The following PCDH9 variants were observed in gnomAD, a reference collection of about 807,000 sequenced individuals.
PCDH9 encodes the protein protocadherin-9.
In PCDH9, 24 loss-of-function variants were observed where a neutral mutation model predicts 70.6. The observed-to-expected ratio is 0.34, with a 90% confidence interval of 0.25 to 0.48. The LOEUF (loss-of-function observed/expected upper bound fraction) is 0.48, where lower values mean the gene tolerates loss of function less well. PCDH9 is among the 20% of genes least tolerant of loss of function. PCDH9 has a pLI of 0.99. For synonymous variants in PCDH9, 562 were observed against 558.5 expected, an observed-to-expected ratio of 1.01 and a Z score of -0.09; for missense variants, 1,281 against 1,503.6, an observed-to-expected ratio of 0.85 and a Z score of 2.45.
chr13:66,339,960 G>T (rs1956098875), intron 4 of PCDH9, among the ~76,000 whole-genome samples: 1 of 151,938 alleles, frequency 6.6e-6, no homozygotes, highest in South Asian at 2.1e-4. Flanking sequence ...AAAATCTATT[G>T]TTCCTCAGGC....
chr13:66,999,945 C>G lies in PCDH9; in HGVS notation c.3037-96340G>C, dbSNP rs573270008. ...GTGGCGATTCCTCAGGGATCTAGAA[C>G]TAGAAATACCATTTGACCCAGCCAT... On this transcript the variant is annotated intron_variant, in intron 2 of 4. Coordinates refer to ENST00000377865, the MANE Select transcript of PCDH9 (RefSeq NM_203487.3). Among the ~76,000 whole-genome samples the G allele has an allele frequency of 7.2e-5, 11 of 152,204 alleles. No individual in the cohort carries two copies. The East Asian group carries it at 2.1e-3, about 29-fold the overall frequency.
intron 3 of PCDH9, among the ~76,000 whole-genome samples, chr13:66,715,520 G>A (rs779930322): frequency 8.6e-5 from 13 of 152,022 alleles, no homozygotes; most frequent in Middle Eastern, 3.2e-3. Context: ...TGCTTGAGCC[G>A]TATACAATTT....
chr13:66,771,751 T>A (rs1028555364), intron 3 of PCDH9, among the ~76,000 whole-genome samples: 48 of 152,334 alleles, frequency 3.2e-4, no homozygotes, highest in African/African-American at 1.1e-3. Context: ...AATTGATTTA[T>A]CTCCTCAATT....
At chr13:67,142,966 A>G (rs1277718416) in intron 2 of PCDH9, among the ~76,000 whole-genome samples, 6 of 152,102 alleles carry the variant, frequency 3.9e-5, no homozygotes, top group African/African-American at 9.6e-5. Flanking sequence ...CCGAGATTGC[A>G]CCACTGCACT....
At chr13:67,225,163 T>G in intron 2 of PCDH9, 1 of 1,376,346 alleles carries the variant, frequency 7.3e-7, no homozygotes, top group Non-Finnish European at 9.3e-7. Flanking sequence ...ATTTTCTCTT[T>G]TCATCTTTTG....
chr13:66,534,348 T>C (rs1473723709), intron 4 of PCDH9, among the ~76,000 whole-genome samples: 1 of 152,152 alleles, frequency 6.6e-6, no homozygotes, highest in Non-Finnish European at 1.5e-5. Context: ...AATTTATTTC[T>C]CACAGTTCTG....
chr13:66,918,555 T>A (rs1230317643), intron 2 of PCDH9, among the ~76,000 whole-genome samples: 7 of 151,264 alleles, frequency 4.6e-5, no homozygotes, highest in Non-Finnish European at 1.5e-5. Flanking sequence ...ATAAAATGAA[T>A]GTATCTTAAT....
chr13:66,994,970 C>T lies in PCDH9; in HGVS notation c.3037-91365G>A, dbSNP rs114259887. On this transcript the variant is annotated intron_variant, in intron 2 of 4. Coordinates refer to ENST00000377865, the MANE Select transcript of PCDH9 (RefSeq NM_203487.3). ...TTTTGTAATCCATTTACGGAACATG[C>T]CTGCAATGAAAAATTAATTATTAAA... Among the ~76,000 whole-genome samples the T allele has an allele frequency of 5.1e-3, 778 of 152,140 alleles. 4 individuals carry two copies. The highest frequency in any genetic ancestry group is 9.1e-3 in the Non-Finnish European group (619 of 68,010).
At chr13:66,615,043 C>T (rs1342134855) in intron 4 of PCDH9, among the ~76,000 whole-genome samples, 1 of 152,314 alleles carries the variant, frequency 6.6e-6, no homozygotes, top group African/African-American at 2.4e-5. Context: ...CAGACTATGA[C>T]CTAATGCTTG....
At chr13:67,135,729 G>A (rs1429565126) in intron 2 of PCDH9, among the ~76,000 whole-genome samples, 10 of 152,084 alleles carry the variant, frequency 6.6e-5, no homozygotes, top group Admixed American at 5.9e-4. Context: ...AAACAAAAAA[G>A]CACTTGCAGA....
At chr13:66,708,317 G>A (rs930124844) in intron 3 of PCDH9, among the ~76,000 whole-genome samples, 29 of 151,902 alleles carry the variant, frequency 1.9e-4, no homozygotes, top group African/African-American at 6.5e-4. Context: ...CCAAAGTGCT[G>A]GGATTACAGG....
intron 2 of PCDH9, among the ~76,000 whole-genome samples, chr13:66,978,747 A>G (rs2139764269): frequency 6.7e-6 from 1 of 149,694 alleles, no homozygotes; most frequent in Admixed American, 6.7e-5. Flanking sequence ...ATACATATGT[A>G]ACTGTATATA....
intron 2 of PCDH9, among the ~76,000 whole-genome samples, chr13:67,197,948 C>T (rs2089114517): frequency 1.3e-5 from 2 of 151,512 alleles, no homozygotes; most frequent in Non-Finnish European, 1.5e-5. Context: ...AAGAAAGTAA[C>T]ACATGGTTAT....
At chr13:66,849,921 G>C (rs2081287065) in intron 3 of PCDH9, among the ~76,000 whole-genome samples, 2 of 152,074 alleles carry the variant, frequency 1.3e-5, no homozygotes, top group Admixed American at 1.3e-4. Flanking sequence ...ATAGATGCCT[G>C]GGCACAGCTG....
At chr13:66,853,677 T>C (rs1339916009) in intron 3 of PCDH9, among the ~76,000 whole-genome samples, 2 of 152,096 alleles carry the variant, frequency 1.3e-5, no homozygotes, top group African/African-American at 2.4e-5. Flanking sequence ...TGTGTTTATA[T>C]AGAAAATTTC....
At chr13:67,059,928 C>T (rs189765641) in intron 2 of PCDH9, among the ~76,000 whole-genome samples, 14 of 145,642 alleles carry the variant, frequency 9.6e-5, no homozygotes, top group Admixed American at 2.8e-4. Flanking sequence ...TCACTAGATG[C>T]TCAAAAAGTT....
intron 4 of PCDH9, among the ~76,000 whole-genome samples, chr13:66,499,762 T>C (rs1027706492): frequency 2.6e-4 from 40 of 152,238 alleles, no homozygotes; most frequent in African/African-American, 9.2e-4. Context: ...GTGCTGCAGA[T>C]GGGACTTAGT....
intron 3 of PCDH9, among the ~76,000 whole-genome samples, chr13:66,698,067 G>A (rs1340962989): frequency 6.6e-6 from 1 of 152,126 alleles, no homozygotes; most frequent in East Asian, 1.9e-4. Flanking sequence ...TCAGTACCTA[G>A]GGTTGTCAAA....
At chr13:66,376,953 T>C (rs982746248) in intron 4 of PCDH9, among the ~76,000 whole-genome samples, 5 of 152,182 alleles carry the variant, frequency 3.3e-5, no homozygotes, top group African/African-American at 9.7e-5. Context: ...TATGGCCTTC[T>C]GTTATACTAA....
Sources: gnomAD v4.1 joint callset for allele counts (sites outside exome capture counted in the v4.1 genomes callset) on GRCh38, gnomAD v4.1.1 for gene constraint, MANE v1.5 for transcripts, NCBI Gene and HGNC (gene_info 2026-07-23, HGNC 2026-07-21) for gene names.